The following SMOC2 variants were observed in gnomAD, a reference collection of about 807,000 sequenced individuals.
The protein encoded by SMOC2 is SPARC related modular calcium binding 2.
SMOC2 carries 39 observed loss-of-function variants against 61.4 expected under a neutral mutation model. The ratio of observed to expected loss-of-function variants is 0.64; its 90% confidence interval spans 0.49 to 0.83. The LOEUF is 0.83. SMOC2 is among the 40% of genes least tolerant of loss of function. The pLI is 0.00. For synonymous variants in SMOC2, 247 were observed against 239.9 expected (o/e 1.03, Z -0.27); for missense variants, 556 against 592.9 (o/e 0.94, Z 0.65).
chr6:168,465,020 T>TA (rs1207030182), intron 1 of SMOC2, among the ~76,000 whole-genome samples: 1 of 152,124 alleles, frequency 6.6e-6, no homozygotes, highest in Non-Finnish European at 1.5e-5. Context: ...GTGAGTGACT[T>TA]ACGTCCAGGA....
intron 7 of SMOC2, among the ~76,000 whole-genome samples, chr6:168,592,128 G>C (rs1166077045): frequency 1.3e-5 from 2 of 152,180 alleles, no homozygotes; most frequent in African/African-American, 4.8e-5. Context: ...GGTCCTGCCG[G>C]TGACTCCACC....
At chr6:168,498,384 C>T (rs926316296) in intron 1 of SMOC2, among the ~76,000 whole-genome samples, 1 of 152,252 alleles carries the variant, frequency 6.6e-6, no homozygotes, top group African/African-American at 2.4e-5. Context: ...CAAACGCATT[C>T]GCTATTCCAG....
rs868623808 is a variant in SMOC2, at chr6:168,652,059, A to T, written c.1011-895A>T. The stretch of plus-strand genomic sequence containing the variant: ...TCTGTCTCAAAAAAAAAAAAAAAAA[A>T]TTTTAATAGAGTCAAACTGTATGTA... On this transcript the variant is annotated intron_variant, in intron 10 of 12. Transcript: ENST00000356284. 1.7e-3 allele frequency among the ~76,000 whole-genome samples: 243 copies of T among 144,508 alleles called. 2 individuals carry two copies. The Middle Eastern group carries it at 0.047, about 28-fold the overall frequency. The allele number at this position is 144,508 out of a possible 152,430, so 94.8% of individuals were successfully genotyped here.
chr6:168,583,281 T>G (rs956040228), intron 7 of SMOC2, among the ~76,000 whole-genome samples: 6 of 151,892 alleles, frequency 4.0e-5, no homozygotes, highest in Non-Finnish European at 8.8e-5. Context: ...CCTTCCTGGC[T>G]CCAGTGGGCT....
intron 2 of SMOC2, among the ~76,000 whole-genome samples, chr6:168,511,514 G>C (rs531080013): frequency 6.6e-6 from 1 of 152,182 alleles, no homozygotes; most frequent in Admixed American, 6.5e-5. Flanking sequence ...CCCATGACAC[G>C]TGGGGAACTA....
chr6:168,540,762 CT>C (rs1783860238), intron 4 of SMOC2, among the ~76,000 whole-genome samples: 1 of 152,184 alleles, frequency 6.6e-6, no homozygotes, highest in Non-Finnish European at 1.5e-5. Flanking sequence ...GTTCCCTTTT[CT>C]TTTTCTCTCG....
At chr6:168,658,587 T>C (rs1205389483) in intron 11 of SMOC2, among the ~76,000 whole-genome samples, 2 of 152,172 alleles carry the variant, frequency 1.3e-5, no homozygotes, top group East Asian at 3.9e-4. Flanking sequence ...CTGGGGCAGA[T>C]TCCTGTCTAC....
chr6:168,575,333 C>T (rs1269218588), intron 7 of SMOC2, among the ~76,000 whole-genome samples: 1 of 152,184 alleles, frequency 6.6e-6, no homozygotes, highest in Non-Finnish European at 1.5e-5. Flanking sequence ...TAGATTCCCC[C>T]CGACTTCTTT....
intron 9 of SMOC2, among the ~76,000 whole-genome samples, chr6:168,642,720 T>C (rs1786923793): frequency 2.0e-5 from 3 of 152,208 alleles, no homozygotes; most frequent in South Asian, 4.1e-4. Context: ...AGACTTTGTA[T>C]ACCTTTTATA....
At chr6:168,599,561 TAC>T (rs1785464025) in intron 8 of SMOC2, among the ~76,000 whole-genome samples, 1 of 3,562 alleles carries the variant, frequency 2.8e-4, no homozygotes, top group African/African-American at 1.2e-3. Context: ...CATACCCCCA[TAC>T]ACACCCACAC....
rs553612161 is a variant in SMOC2 at position 168,534,963 on chromosome 6, T to TTTTA, written c.463+7256_463+7259dup. ...GGCTGAGTGCTTCTAGAGATTTTAT[T>TTTTA]TTTATTTATTTATTTATTTATTTTT... On this transcript the variant is annotated intron_variant, in intron 4 of 12. Coordinates refer to ENST00000356284, the MANE Select transcript of SMOC2 (RefSeq NM_001166412.2). Among the ~76,000 whole-genome samples, 991 of 152,104 alleles carry TTTTA rather than the reference T, an allele frequency of 6.5e-3. 6 individuals carry two copies. The highest frequency in any genetic ancestry group is 0.026 in the South Asian group (127 of 4,806).
intron 1 of SMOC2, among the ~76,000 whole-genome samples, chr6:168,482,684 A>G (rs959811271): frequency 2.0e-5 from 3 of 152,128 alleles, no homozygotes; most frequent in African/African-American, 7.2e-5. Context: ...ATTCAGCAGC[A>G]TATTAAAAGG....
chr6:168,614,376 C>T (rs1338441536), intron 9 of SMOC2, among the ~76,000 whole-genome samples: 6 of 88,148 alleles, frequency 6.8e-5, no homozygotes, highest in East Asian at 3.9e-4. Context: ...CAGCACAGGG[C>T]CTCTTCATAC....
intron 1 of SMOC2, among the ~76,000 whole-genome samples, chr6:168,447,688 G>C (rs1023125424): frequency 1.3e-5 from 2 of 152,172 alleles, no homozygotes; most frequent in African/African-American, 4.8e-5. Context: ...AAGAGTTGTA[G>C]GTAAACACGA....
At chr6:168,595,808 T>A (rs1030839264) in intron 7 of SMOC2, among the ~76,000 whole-genome samples, 2 of 152,244 alleles carry the variant, frequency 1.3e-5, no homozygotes, top group Admixed American at 1.3e-4. Flanking sequence ...ATTTAATCCA[T>A]CTTATTTTGC....
intron 8 of SMOC2, among the ~76,000 whole-genome samples, chr6:168,600,826 T>A (rs1482223042): frequency 6.6e-6 from 1 of 152,218 alleles, no homozygotes. Flanking sequence ...TTCGAGGGCC[T>A]GAAATACAAA....
At chr6:168,609,123 G>T (rs187794365) in intron 9 of SMOC2, among the ~76,000 whole-genome samples, 1 of 152,210 alleles carries the variant, frequency 6.6e-6, no homozygotes, top group African/African-American at 2.4e-5. Context: ...TGTTCATAGC[G>T]ATTCCACAAC....
rs1562384013 is a variant in SMOC2, at chr6:168,615,283, TGGGGCCTCTTCACACCTACAGCCAGCAC to T, written c.907+7073_907+7100del. 8.5e-3 allele frequency among the ~76,000 whole-genome samples: 162 copies of T among 19,056 alleles called. 17 individuals carry two copies. The highest frequency in any genetic ancestry group is 0.013 in the Non-Finnish European group (114 of 8,848). The allele number at this position is 19,056 out of a possible 152,430, so 12.5% of individuals were successfully genotyped here. A position where few individuals can be genotyped will look rare whatever the true frequency, so the allele number is the denominator to read the frequency against. On this transcript the variant is annotated intron_variant, in intron 9 of 12. Transcript: ENST00000356284. ...GGCCTTTTCACACCTACAGCCAGCA[TGGGGCCTCTTCACACCTACAGCCAGCAC>T]GGGGCCTCTTCACACCTACAGCCAG...
chr6:168,489,218 G>C lies in SMOC2; in HGVS notation c.85-20697G>C, dbSNP rs181675130. On this transcript the variant is annotated intron_variant, in intron 1 of 12. Coordinates refer to ENST00000356284, the MANE Select transcript of SMOC2 (RefSeq NM_001166412.2). ...GTTTTAGAATGAAATATATCAAATC[G>C]TCTGGGTCCTCTTGGATCACAGTTT... Among the ~76,000 whole-genome samples, 388 of 143,954 alleles carry C rather than the reference G, an allele frequency of 2.7e-3. 4 individuals carry two copies. Among genetic ancestry groups the C allele is most frequent in the African/African-American group, 9.8e-3 (377 of 38,428 alleles). 94.4% of individuals were successfully genotyped at this position (143,954 alleles called of 152,430 possible).
Sources: allele counts gnomAD v4.1 joint callset (sites outside exome capture counted in the v4.1 genomes callset), GRCh38; gene constraint gnomAD v4.1.1; transcripts MANE v1.5; gene names NCBI Gene and HGNC (gene_info 2026-07-23, HGNC 2026-07-21).